ATP11C: variants seen among roughly 807,000 people sequenced by gnomAD.
ATP11C encodes ATPase phospholipid transporting 11C (ATP11C blood group), also known as phospholipid-transporting ATPase IG.
A neutral mutation model predicts 97.4 loss-of-function variants in ATP11C; 36 were observed. The observed-to-expected ratio is 0.37, with a 90% CI of 0.28 to 0.49. The LOEUF (loss-of-function observed/expected upper bound fraction) is 0.49. Among genes scored for constraint, ATP11C ranks in the 20% least tolerant of loss-of-function variants. ATP11C has a pLI of 0.98. For missense variants in ATP11C, 730 were observed against 824.6 expected (o/e 0.89, Z 1.40); for synonymous variants, 275 against 290.9 (o/e 0.95, Z 0.56).
At chrX:139,854,866 A>G (rs898707741) in intron 1 of ATP11C, among the ~76,000 whole-genome samples, 2 of 112,214 alleles carry the variant, frequency 1.8e-5, no homozygotes, top group Non-Finnish European at 3.8e-5. Context: ...GTATGCAAAC[A>G]TATTGGCTAA....
At chrX:139,858,262 A>G (rs1025311540) in intron 1 of ATP11C, among the ~76,000 whole-genome samples, 1 of 112,731 alleles carries the variant, frequency 8.9e-6, no homozygotes, top group African/African-American at 3.2e-5. Flanking sequence ...CTCTTTAGCA[A>G]GACACTATTA....
chrX:139,799,854 G>A (rs2082886208), intron 8 of ATP11C, among the ~76,000 whole-genome samples: 1 of 108,970 alleles, frequency 9.2e-6, no homozygotes, highest in African/African-American at 3.4e-5. Flanking sequence ...GTTTCACCCC[G>A]TTGGCCAGGC....
At chrX:139,793,310 T>G (rs2082731289) in intron 12 of ATP11C, among the ~76,000 whole-genome samples, 1 of 112,343 alleles carries the variant, frequency 8.9e-6, no homozygotes, top group East Asian at 2.8e-4. Flanking sequence ...AATCTCATTA[T>G]GTTTGCTACG....
At chrX:139,789,671 A>C (rs1173012363) in intron 12 of ATP11C, among the ~76,000 whole-genome samples, 183 bp from the exon 13 acceptor site, 1 of 112,302 alleles carries the variant, frequency 8.9e-6, no homozygotes, top group African/African-American at 3.2e-5. Context: ...GTATTTTTAA[A>C]GACACCAAAA....
At chrX:139,742,216 T>C (rs1222945689) in intron 26 of ATP11C, among the ~76,000 whole-genome samples, 2 of 111,035 alleles carry the variant, frequency 1.8e-5, no homozygotes, top group East Asian at 5.7e-4. Flanking sequence ...AACCGAAAAC[T>C]AGCATATATT....
intron 1 of ATP11C, among the ~76,000 whole-genome samples, chrX:139,837,994 A>G (rs762906689): frequency 8.0e-5 from 9 of 112,386 alleles, no homozygotes; most frequent in African/African-American, 2.9e-4. Flanking sequence ...GAGAACGTTC[A>G]GCTATAAGAC....
intron 1 of ATP11C, among the ~76,000 whole-genome samples, chrX:139,913,838 G>A (rs2085114637): frequency 9.0e-6 from 1 of 111,619 alleles, no homozygotes; most frequent in African/African-American, 3.3e-5. Context: ...TCACACGGAC[G>A]CGAGTGAAAC....
chrX:139,909,044 G>A (rs1403262813), intron 1 of ATP11C, among the ~76,000 whole-genome samples: 1 of 112,253 alleles, frequency 8.9e-6, no homozygotes, highest in African/African-American at 3.2e-5. Flanking sequence ...AACTGTATGG[G>A]CACCAGCCAA....
chrX:139,782,162 T>C (rs1218209123), intron 18 of ATP11C, among the ~76,000 whole-genome samples: 1 of 108,691 alleles, frequency 9.2e-6, no homozygotes, highest in Non-Finnish European at 1.9e-5. Context: ...CCATCTCTAC[T>C]AAAAATACAA....
intron 19 of ATP11C, among the ~76,000 whole-genome samples, chrX:139,770,756 G>A (rs190024376): frequency 9.0e-6 from 1 of 111,484 alleles, no homozygotes. Flanking sequence ...AGGAAGATGG[G>A]CTGATCTGAG....
intron 1 of ATP11C, among the ~76,000 whole-genome samples, chrX:139,851,028 C>A (rs750159938): frequency 2.8e-4 from 31 of 112,001 alleles, no homozygotes; most frequent in Non-Finnish European, 3.4e-4. Context: ...GGCCAAGCAA[C>A]CCTTTGCTAC....
chrX:139,822,198 G>GTATT (rs1278804119), intron 2 of ATP11C, among the ~76,000 whole-genome samples: 1 of 111,815 alleles, frequency 8.9e-6, no homozygotes. Context: ...TCAGTAAATA[G>GTATT]TATTTATTTA....
intron 1 of ATP11C, among the ~76,000 whole-genome samples, chrX:139,927,636 A>G (rs1053340153): frequency 2.7e-5 from 3 of 110,489 alleles, no homozygotes; most frequent in African/African-American, 9.9e-5. Flanking sequence ...AAAAATAAAT[A>G]AAAGAAGGGG....
At chrX:139,817,235 T>A (rs1159937820) in intron 3 of ATP11C, among the ~76,000 whole-genome samples, 1 of 112,389 alleles carries the variant, frequency 8.9e-6, no homozygotes, top group Non-Finnish European at 1.9e-5. Flanking sequence ...CTTGTGCTAT[T>A]ATCAGCAAAG....
At chrX:139,852,453 G>C (rs1353463262) in intron 1 of ATP11C, among the ~76,000 whole-genome samples, 1 of 4,517 alleles carries the variant, frequency 2.2e-4, no homozygotes, top group African/African-American at 5.8e-4. Context: ...TCAGCAATGC[G>C]GGGGGGGGGG....
intron 26 of ATP11C, among the ~76,000 whole-genome samples, 190 bp downstream of exon 26, chrX:139,743,369 C>T (rs1392016879): frequency 9.1e-6 from 1 of 110,412 alleles, no homozygotes; most frequent in African/African-American, 3.3e-5. Context: ...GGGGAAAAAA[C>T]TGATCAAAAA....
intron 1 of ATP11C, among the ~76,000 whole-genome samples, chrX:139,849,876 T>C (rs746802547): frequency 4.5e-5 from 5 of 111,986 alleles, no homozygotes; most frequent in South Asian, 3.8e-4. Context: ...TGAGAGTGGA[T>C]TGTTATGAAA....
intron 22 of ATP11C, 144 bp downstream of exon 22, chrX:139,761,817 A>T: frequency 2.5e-6 from 1 of 394,212 alleles, no homozygotes; most frequent in Non-Finnish European, 4.0e-6. Flanking sequence ...CATCCAATAG[A>T]CCACCTCTGC....
At chrX:139,857,744 A>G (rs2084115945) in intron 1 of ATP11C, among the ~76,000 whole-genome samples, 1 of 110,817 alleles carries the variant, frequency 9.0e-6, no homozygotes. Flanking sequence ...ACCCTTCTAT[A>G]TAGAAGTACC....
Sources: allele counts gnomAD v4.1 joint callset (sites outside exome capture counted in the v4.1 genomes callset), GRCh38; gene constraint gnomAD v4.1.1; transcripts MANE v1.5; gene names NCBI Gene and HGNC (gene_info 2026-07-23, HGNC 2026-07-21).